The following CHD9 variants were observed in gnomAD, a reference collection of about 807,000 sequenced individuals.
CHD9 encodes the protein chromodomain helicase DNA binding protein 9, also known as ATP-dependent chromatin remodeler CHD9.
Under a neutral mutation model 316.1 loss-of-function variants are expected in CHD9, and 77 were observed. The observed-to-expected ratio is 0.24, with a 90% confidence interval of 0.20 to 0.29. The LOEUF is 0.29. Among genes scored for constraint, CHD9 ranks in the 10% least tolerant of loss-of-function variants. The pLI is 1.00. For missense variants in CHD9, 2,763 were observed against 3,438.1 expected (o/e 0.80, Z 4.91); for synonymous variants, 1,129 against 1,158.3 (o/e 0.97, Z 0.51).
chr16:53,168,352 C>T (rs1242256178), intron 2 of CHD9, among the ~76,000 whole-genome samples: 1 of 152,068 alleles, frequency 6.6e-6, no homozygotes, highest in East Asian at 1.9e-4. Context: ...CATGAGCCAC[C>T]ACATCCAGCC....
At chr16:53,247,172 C>A in intron 15 of CHD9, 121 bp from the exon 16 acceptor site, 1 of 678,640 alleles carries the variant, frequency 1.5e-6, no homozygotes, top group Non-Finnish European at 2.5e-6. Context: ...AAGCAATGTA[C>A]ATGCCATTAG....
intron 2 of CHD9, chr16:53,208,429 A>G: frequency 8.1e-7 from 1 of 1,229,860 alleles, no homozygotes; most frequent in Non-Finnish European, 1.0e-6. Context: ...CTTCCTTATT[A>G]CTGGCTGCTG....
Position 53,281,807 on chromosome 16 carries a change from A to G in CHD9, c.4968-3789A>G, listed in dbSNP as rs533603751. Among the ~76,000 whole-genome samples the G allele has an allele frequency of 3.3e-5, 5 of 152,180 alleles. No homozygotes were observed. The South Asian group carries it at 1.0e-3, about 32-fold the overall frequency. On this transcript the variant is annotated intron_variant, in intron 24 of 38. Transcript: ENST00000447540. The stretch of plus-strand genomic sequence containing the variant: ...TTCCACAGAACCGCCCCTTCAGATT[A>G]CTCGGATCTCAACTCAAGTATTTCC...
chr16:53,246,385 A>G (rs1398600210), intron 15 of CHD9, among the ~76,000 whole-genome samples: 2 of 152,232 alleles, frequency 1.3e-5, no homozygotes, highest in African/African-American at 2.4e-5. Flanking sequence ...GGCTGAGGAA[A>G]GGAATACAGA....
intron 30 of CHD9, chr16:53,298,700 TTTGG>T (rs2055053124): frequency 1.3e-5 from 2 of 152,812 alleles, no homozygotes; most frequent in Admixed American, 1.3e-4. Flanking sequence ...TGGTACTGTG[TTTGG>T]TGACTACACA....
chr16:53,185,897 C>T (rs547370855), intron 2 of CHD9, among the ~76,000 whole-genome samples: 24 of 152,304 alleles, frequency 1.6e-4, no homozygotes, highest in Non-Finnish European at 3.1e-4. Context: ...GGAACCTCTG[C>T]CTAGATTTTA....
chr16:53,318,193 C>A lies in CHD9; in HGVS notation c.7585-19C>A. 6.3e-7 allele frequency: 1 copy of A among 1,594,172 alleles called. No homozygotes were observed. Among genetic ancestry groups the A allele is most frequent in the Non-Finnish European group, 8.5e-7 (1 of 1,171,508 alleles). ...ACAGTTAAAGACTTTAAAGATATGT[C>A]TTTATCTATATATTTTAGAGAATGC... On this transcript the variant is annotated intron_variant, in intron 36 of 38. Coordinates refer to ENST00000447540, the MANE Select transcript of CHD9 (RefSeq NM_001308319.2).
In CHD9 at chr16:53,079,694, C is replaced by T. The variant is rs1021342732; in HGVS notation, c.-165+24617C>T. Among the ~76,000 whole-genome samples, 4 of 152,086 alleles carry T rather than the reference C, an allele frequency of 2.6e-5. No homozygotes were observed. In the East Asian group the frequency reaches 7.7e-4, roughly 29 times the overall value. On this transcript the variant is annotated intron_variant, in intron 1 of 38. Coordinates refer to ENST00000447540, the MANE Select transcript of CHD9 (RefSeq NM_001308319.2). ...CAGTACCACCTACTGACCAGCCCCT[C>T]GAAAGGGGCTGGGGGTGCAATGCTG...
In CHD9 at chr16:53,150,390, G is replaced by A. The variant is rs534368996; in HGVS notation, c.-164-5536G>A. 1.9e-3 allele frequency among the ~76,000 whole-genome samples: 284 copies of A among 152,058 alleles called. 1 individual carries two copies. The highest frequency in any genetic ancestry group is 6.4e-3 in the African/African-American group (266 of 41,476). ...ACACATGCTCTGCTCCTAAACATCT[G>A]TCTCTTCACCTTTATATTGTTATTA... On this transcript the variant is annotated intron_variant, in intron 1 of 38. Transcript: ENST00000447540.
At position 53,324,371 on chromosome 16, in the gene CHD9, C is replaced by G. The variant is rs758366483; in HGVS notation, c.8170C>G (p.Leu2724Val). The G allele has an allele frequency of 1.2e-6, 2 of 1,614,014 alleles. No homozygotes were observed. The highest frequency in any genetic ancestry group is 2.2e-5 in the South Asian group (2 of 91,084). The change falls in exon 39 of 39, where the codon CTG becomes GTG. Residue 2724 changes from leucine (L) to valine (V), a missense_variant. Transcript: ENST00000447540. ...LLSGMAGLPN[L>V]LGMGGLLTKP... ...GTCAGGAATGGCTGGATTACCAAAT[C>G]TGTTGGGCATGGGAGGACTCCTGAC...
rs536020046 is a variant in CHD9 at position 53,265,976 on chromosome 16, G to GT, written c.4321-1307dup. On this transcript the variant is annotated intron_variant, in intron 20 of 38. Transcript: ENST00000447540. ...AAGAAAAAAATACAATTAGTTTTTT[G>GT]TTTTTTTTTTTAAGGAAACTGGGAA... 2.5e-3 allele frequency among the ~76,000 whole-genome samples: 354 copies of GT among 139,408 alleles called. 2 individuals carry two copies. Among genetic ancestry groups the GT allele is most frequent in the South Asian group, 0.017 (74 of 4,404 alleles). The allele number at this position is 139,408 out of a possible 152,430, so 91.5% of individuals were successfully genotyped here.
Position 53,304,537 on chromosome 16 carries a change from A to C in CHD9, c.6531A>C (p.Ser2177=), listed in dbSNP as rs1567658194. The part of the protein sequence containing the change: ...SSSSCSSASS[S]SSSSTSSSSS... ...CATCTTGTTCTTCAGCATCTTCTTC[A>C]TCCTCTTCCTCCACCTCTTCCTCCT... Residue 2177 remains serine (S), a synonymous_variant, in exon 31 of 39, where the codon TCA becomes TCC. Coordinates refer to ENST00000447540, the MANE Select transcript of CHD9 (RefSeq NM_001308319.2). The C allele has an allele frequency of 1.9e-6, 3 of 1,545,866 alleles. No homozygotes were observed. The highest frequency in any genetic ancestry group is 4.9e-5 in the East Asian group (2 of 40,908).
chr16:53,296,059 C>T (rs373997562), intron 29 of CHD9, among the ~76,000 whole-genome samples: 1 of 152,162 alleles, frequency 6.6e-6, no homozygotes, highest in East Asian at 1.9e-4. Context: ...TCCCTCTTTG[C>T]TTACTCTGTG....
chr16:53,063,264 A>G (rs1374995676), intron 1 of CHD9, among the ~76,000 whole-genome samples: 2 of 151,988 alleles, frequency 1.3e-5, no homozygotes, highest in Non-Finnish European at 2.9e-5. Flanking sequence ...CCAAAGTTAT[A>G]TAGCTAGGAA....
chr16:53,125,504 AGGATTACAGGCATGAGCCAC>A (rs2038934915), intron 1 of CHD9, among the ~76,000 whole-genome samples: 2 of 152,296 alleles, frequency 1.3e-5, no homozygotes, highest in South Asian at 4.1e-4. Flanking sequence ...CCAAAGTGCC[AGGATTACAGGCATGAGCCAC>A]TGCGCCCAGC....
chr16:53,193,168 G>A (rs963606462), intron 2 of CHD9, among the ~76,000 whole-genome samples: 1 of 152,038 alleles, frequency 6.6e-6, no homozygotes, highest in Non-Finnish European at 1.5e-5. Context: ...TTAACCATCC[G>A]GCCGGGCACG....
chr16:53,162,540 G>A (rs1056231066), intron 2 of CHD9, among the ~76,000 whole-genome samples: 5 of 152,110 alleles, frequency 3.3e-5, no homozygotes, highest in Admixed American at 2.0e-4. Context: ...ATTAAGTTTA[G>A]TGTAAAAATT....
Position 53,245,337 on chromosome 16 carries a change from A to C in CHD9, c.3056A>C (p.Glu1019Ala). The C allele has an allele frequency of 6.6e-7, 1 of 1,522,026 alleles. No individual in the cohort carries two copies. Among genetic ancestry groups the C allele is most frequent in the Middle Eastern group, 1.7e-4 (1 of 5,790 alleles). 94.3% of individuals were successfully genotyped at this position (1,522,026 alleles called of 1,614,324 possible). A position where few individuals can be genotyped will look rare whatever the true frequency, so the allele number is the denominator to read the frequency against. Residue 1019 changes from glutamate (E) to alanine (A), a missense_variant and splice_region_variant, in exon 14 of 39, where the codon GAA (glutamate) becomes GCA (alanine). By Grantham distance (107) the Glu-to-Ala change is moderately radical. Around this residue, in one of 15 missense-constraint regions of CHD9, gnomAD observed 155 missense variants for 291.8 expected, o/e 0.53. Transcript: ENST00000447540. The surrounding 1 kb of genome is among the most constrained non-coding windows in gnomAD (Gnocchi z 4.1). Reference sequence around the variant, plus strand: ...GTGAATTGTTCTCACTTTTTGTAGGAACACAAGGTGCTTTTGACTGGCACC... The same window carrying C: ...GTGAATTGTTCTCACTTTTTGTAGGCACACAAGGTGCTTTTGACTGGCACC... ...LLEGLKLMNL[E>A]HKVLLTGTPL...
intron 1 of CHD9, among the ~76,000 whole-genome samples, chr16:53,057,423 G>C (rs2032285574): frequency 6.6e-6 from 1 of 151,994 alleles, no homozygotes; most frequent in African/African-American, 2.4e-5. Context: ...GGAGGCCGAG[G>C]TGGGTGGATA....
Sources: gnomAD v4.1 joint callset for allele counts (sites outside exome capture counted in the v4.1 genomes callset) on GRCh38, gnomAD v4.1.1 for gene constraint, gnomAD v4.1.1 regional missense constraint, Gnocchi (gnomAD v3.1) non-coding constraint, MANE v1.5 for transcripts, NCBI Gene and HGNC (gene_info 2026-07-23, HGNC 2026-07-21) for gene names.